The following TMEM163 variants were observed in gnomAD, a reference collection of about 807,000 sequenced individuals.
TMEM163 encodes transmembrane protein 163.
A neutral mutation model predicts 29.3 loss-of-function variants in TMEM163; 17 were observed. The ratio of observed to expected loss-of-function variants is 0.58; its 90% confidence interval spans 0.40 to 0.87. TMEM163 has a LOEUF of 0.87. Ranked by LOEUF, TMEM163 falls within the 40% of genes least tolerant of loss-of-function variation. The pLI, the probability that TMEM163 is intolerant of heterozygous loss-of-function variation, is 0.00. For missense variants in TMEM163, 303 were observed against 381.5 expected, an observed-to-expected ratio of 0.79 and a Z score of 1.71; for synonymous variants, 157 against 160.6, an observed-to-expected ratio of 0.98 and a Z score of 0.17.
intron 2 of TMEM163, among the ~76,000 whole-genome samples, chr2:134,646,472 C>T (rs1190792058): frequency 6.6e-6 from 1 of 151,448 alleles, no homozygotes; most frequent in Non-Finnish European, 1.5e-5. Flanking sequence ...TATTTAGAGG[C>T]ATAATTTCAC....
At chr2:134,628,313 T>C (rs1383976027) in intron 2 of TMEM163, among the ~76,000 whole-genome samples, 1 of 152,252 alleles carries the variant, frequency 6.6e-6, no homozygotes, top group Non-Finnish European at 1.5e-5. Flanking sequence ...CAGACCCGGA[T>C]TGCTCAAACC....
At chr2:134,591,173 C>T (rs1681926718) in intron 2 of TMEM163, among the ~76,000 whole-genome samples, 1 of 152,212 alleles carries the variant, frequency 6.6e-6, no homozygotes, top group South Asian at 2.1e-4. Flanking sequence ...AAAGTGACAA[C>T]CCTCTTCCAG....
chr2:134,553,076 A>T (rs570766447), intron 2 of TMEM163, among the ~76,000 whole-genome samples: 17 of 152,326 alleles, frequency 1.1e-4, no homozygotes, highest in African/African-American at 4.1e-4. Context: ...ACAAAGGCAG[A>T]TCTCCAGAAG....
intron 2 of TMEM163, among the ~76,000 whole-genome samples, chr2:134,611,552 G>A (rs371106935): frequency 6.6e-6 from 1 of 152,096 alleles, no homozygotes; most frequent in Non-Finnish European, 1.5e-5. Context: ...CATATTCAGA[G>A]GTGTTCACTG....
At chr2:134,528,917 T>C (rs1425337408) in intron 4 of TMEM163, among the ~76,000 whole-genome samples, 7 of 152,194 alleles carry the variant, frequency 4.6e-5, no homozygotes, top group African/African-American at 1.4e-4. Flanking sequence ...AGATGCAACA[T>C]TGACACTTAA....
intron 2 of TMEM163, among the ~76,000 whole-genome samples, chr2:134,671,189 C>T (rs1048225215): frequency 6.6e-6 from 1 of 152,146 alleles, no homozygotes; most frequent in African/African-American, 2.4e-5. Flanking sequence ...GGCACCTGGC[C>T]CGTAGTTCTC....
intron 2 of TMEM163, among the ~76,000 whole-genome samples, chr2:134,636,439 C>T (rs780181276): frequency 7.9e-5 from 12 of 152,208 alleles, no homozygotes; most frequent in African/African-American, 2.9e-4. Context: ...TAATTATCAT[C>T]GAAACCGCCA....
chr2:134,692,799 A>C (rs1448254600), intron 2 of TMEM163, among the ~76,000 whole-genome samples: 1 of 152,048 alleles, frequency 6.6e-6, no homozygotes, highest in Non-Finnish European at 1.5e-5. Flanking sequence ...CCCTCCAAAT[A>C]CCATCACACT....
rs76289422 is a variant in TMEM163 at position 134,642,420 on chromosome 2, G to A, written c.322+70780C>T. Among the ~76,000 whole-genome samples the A allele has an allele frequency of 1.2e-4, 19 of 152,162 alleles. No individual in the cohort carries two copies. In the East Asian group the frequency reaches 3.5e-3, roughly 28 times the overall value. On this transcript the variant is annotated intron_variant, in intron 2 of 7. Coordinates refer to ENST00000281924, the MANE Select transcript of TMEM163 (RefSeq NM_030923.5). ...CCTGGCATTACAGGCACGAGCCACC[G>A]CGAACGGCCACCAATCCATAATTAC...
chr2:134,598,154 T>C (rs1682132834), intron 2 of TMEM163, among the ~76,000 whole-genome samples: 1 of 152,196 alleles, frequency 6.6e-6, no homozygotes, highest in African/African-American at 2.4e-5. Flanking sequence ...TGACCTCCAC[T>C]TACTTATGTG....
intron 2 of TMEM163, among the ~76,000 whole-genome samples, chr2:134,649,879 G>A (rs1683426097): frequency 1.3e-5 from 2 of 151,748 alleles, no homozygotes; most frequent in Admixed American, 6.6e-5. Flanking sequence ...GGTAGCACAG[G>A]CCTGTAGTCC....
chr2:134,552,010 G>A lies in TMEM163; in HGVS notation c.366+38C>T, dbSNP rs776197213. The A allele has an allele frequency of 3.5e-5, 56 of 1,599,910 alleles. No homozygotes were observed. The East Asian group carries it at 5.6e-4, about 16-fold the overall frequency. On this transcript the variant is annotated intron_variant, in intron 3 of 7. Transcript: ENST00000281924. ...GAGGTTTATGGGCTTATGAAAAAAC[G>A]TGCAAAACTTGATGAAAGTACATTT...
At chr2:134,649,644 G>A (rs1005103066) in intron 2 of TMEM163, among the ~76,000 whole-genome samples, 1 of 152,036 alleles carries the variant, frequency 6.6e-6, no homozygotes, top group East Asian at 1.9e-4. Context: ...TTTAATAACC[G>A]AAACTTTGAA....
intron 2 of TMEM163, among the ~76,000 whole-genome samples, chr2:134,598,036 T>A (rs1412452126): frequency 6.6e-6 from 1 of 152,204 alleles, no homozygotes; most frequent in Non-Finnish European, 1.5e-5. Flanking sequence ...AGTCTATCAA[T>A]TTTGTTGATA....
In TMEM163 at chr2:134,711,065, C is replaced by T. The variant is rs73958803; in HGVS notation, c.322+2135G>A. Among the ~76,000 whole-genome samples, 582 of 152,246 alleles carry T rather than the reference C, an allele frequency of 3.8e-3. 1 individual carries two copies. The highest frequency in any genetic ancestry group is 0.013 in the African/African-American group (547 of 41,526). On this transcript the variant is annotated intron_variant, in intron 2 of 7. Transcript: ENST00000281924. The stretch of plus-strand genomic sequence containing the variant: ...ACCTTTATTGCCATTTTGAAATGTT[C>T]CATTTTTCTTTAGACACTAATTTAA...
chr2:134,615,477 GTAGT>G (rs1189012737), intron 2 of TMEM163, among the ~76,000 whole-genome samples: 2 of 152,156 alleles, frequency 1.3e-5, no homozygotes, highest in African/African-American at 4.8e-5. Context: ...TTGCAAAGAA[GTAGT>G]TAATCTTGTT....
At chr2:134,496,123 G>A (rs1029193034) in intron 5 of TMEM163, among the ~76,000 whole-genome samples, 8 of 151,288 alleles carry the variant, frequency 5.3e-5, no homozygotes, top group African/African-American at 1.2e-4. Context: ...GTGCAGTGGC[G>A]CAATCTTGGC....
intron 2 of TMEM163, among the ~76,000 whole-genome samples, chr2:134,621,066 T>G (rs1228336364): frequency 2.6e-5 from 4 of 151,934 alleles, no homozygotes; most frequent in African/African-American, 9.7e-5. Flanking sequence ...AAAAAATAAT[T>G]GCAAATCATA....
At chr2:134,700,696 C>T (rs897403957) in intron 2 of TMEM163, among the ~76,000 whole-genome samples, 4 of 151,926 alleles carry the variant, frequency 2.6e-5, no homozygotes, top group African/African-American at 7.3e-5. Flanking sequence ...GTCATGAGTT[C>T]GAGACTAGCC....
Sources: allele counts gnomAD v4.1 joint callset (sites outside exome capture counted in the v4.1 genomes callset), GRCh38; gene constraint gnomAD v4.1.1; transcripts MANE v1.5; gene names NCBI Gene and HGNC (gene_info 2026-07-23, HGNC 2026-07-21).